Variants in RCAN2 observed in about 807,000 individuals in gnomAD.
The protein encoded by RCAN2 is calcipressin-2.
In RCAN2, 9 loss-of-function variants were observed where a neutral mutation model predicts 23.6. The ratio of observed to expected loss-of-function variants is 0.38; its 90% CI spans 0.23 to 0.67. The LOEUF is 0.67. RCAN2 is among the 30% of genes least tolerant of loss of function. The probability of loss-of-function intolerance (pLI) is 0.51; values close to 1 mark genes in which losing one functional copy is unlikely to be tolerated. For synonymous variants in RCAN2, 109 were observed against 115.7 expected (o/e 0.94, Z 0.37); for missense variants, 273 against 302.3 (o/e 0.90, Z 0.72).
At chr6:46,305,918 C>G (rs1763050168) in intron 2 of RCAN2, among the ~76,000 whole-genome samples, 1 of 142,934 alleles carries the variant, frequency 7.0e-6, no homozygotes, top group Non-Finnish European at 1.5e-5. Flanking sequence ...TGCTGAAGAC[C>G]TTTTTTTTTT....
At chr6:46,430,922 T>C (rs1767179266) in intron 2 of RCAN2, among the ~76,000 whole-genome samples, 1 of 152,170 alleles carries the variant, frequency 6.6e-6, no homozygotes, top group Non-Finnish European at 1.5e-5. Flanking sequence ...TAAAATACTT[T>C]TGCGTAGAGA....
rs1374283754 is a variant in RCAN2 at position 46,468,942 on chromosome 6, T to C, written c.-2-11964A>G. On this transcript the variant is annotated intron_variant, in intron 1 of 4. Transcript: ENST00000371374. ...TTGTTAGCACAATTTGCTCTTGATC[T>C]GAAAGTAAGTCACTGCCCCCAGCTG... is the stretch of plus-strand genomic sequence containing the variant. 3 of 636,446 alleles carry C rather than the reference T, an allele frequency of 4.7e-6. No individual in the cohort carries two copies. The South Asian group carries it at 2.1e-4, about 44-fold the overall frequency. 39.4% of individuals were successfully genotyped at this position (636,446 alleles called of 1,614,324 possible).
rs559021248 is a variant in RCAN2, at chr6:46,414,745, T to C, written c.225+42007A>G. ...AAGCCTGCTGGCTTCCCTTGCAGATTTCAGGCTTACCAGCCTCTACAATCT... is the reference window on the plus strand; with the variant it reads ...AAGCCTGCTGGCTTCCCTTGCAGATCTCAGGCTTACCAGCCTCTACAATCT... On this transcript the variant is annotated intron_variant, in intron 2 of 4. Transcript: ENST00000371374. Among the ~76,000 whole-genome samples the C allele has an allele frequency of 3.3e-5, 5 of 152,300 alleles. No homozygotes were observed. In the South Asian group the frequency reaches 1.0e-3, roughly 32 times the overall value.
At chr6:46,372,435 G>T (rs572861411) in intron 2 of RCAN2, among the ~76,000 whole-genome samples, 5 of 152,178 alleles carry the variant, frequency 3.3e-5, no homozygotes, top group African/African-American at 1.2e-4. Flanking sequence ...CAAGCATGTC[G>T]CTTGGCAGCT....
intron 2 of RCAN2, among the ~76,000 whole-genome samples, chr6:46,275,413 A>T (rs1426484982): frequency 6.6e-6 from 1 of 152,188 alleles, no homozygotes; most frequent in Admixed American, 6.5e-5. Context: ...AAAGCTCATG[A>T]TGAGAATGCA....
At chr6:46,423,404 G>A (rs1766940267) in intron 2 of RCAN2, among the ~76,000 whole-genome samples, 1 of 152,096 alleles carries the variant, frequency 6.6e-6, no homozygotes. Context: ...AAAGAAAAAA[G>A]CAAGAGAGAA....
At chr6:46,331,041 A>G (rs1162439495) in intron 2 of RCAN2, among the ~76,000 whole-genome samples, 1 of 152,236 alleles carries the variant, frequency 6.6e-6, no homozygotes, top group African/African-American at 2.4e-5. Context: ...TTCATTTATT[A>G]GGATTTACAC....
intron 2 of RCAN2, among the ~76,000 whole-genome samples, chr6:46,336,440 G>T (rs764320869): frequency 6.6e-6 from 1 of 152,170 alleles, no homozygotes; most frequent in Non-Finnish European, 1.5e-5. Context: ...CACTGAAAAA[G>T]ATCAAGAAAG....
At chr6:46,343,468 C>T (rs1417699985) in intron 2 of RCAN2, among the ~76,000 whole-genome samples, 4 of 151,396 alleles carry the variant, frequency 2.6e-5, no homozygotes, top group Admixed American at 6.6e-5. Flanking sequence ...CTCCGCCTCC[C>T]GGGTTCATGC....
intron 2 of RCAN2, among the ~76,000 whole-genome samples, chr6:46,337,898 G>T (rs1335690065): frequency 5.3e-5 from 8 of 152,178 alleles, no homozygotes; most frequent in Admixed American, 5.2e-4. Context: ...TAGGGAATGT[G>T]CTGATTTAAC....
chr6:46,374,603 T>C (rs1765410670), intron 2 of RCAN2, among the ~76,000 whole-genome samples: 1 of 152,208 alleles, frequency 6.6e-6, no homozygotes, highest in South Asian at 2.1e-4. Flanking sequence ...AAGTGATTTC[T>C]AGATTCCACG....
chr6:46,307,583 C>T (rs1052721251), intron 2 of RCAN2, among the ~76,000 whole-genome samples: 1 of 152,112 alleles, frequency 6.6e-6, no homozygotes, highest in African/African-American at 2.4e-5. Flanking sequence ...ATGTTGTGCT[C>T]CTGTTCCATG....
chr6:46,377,185 A>T (rs909280978), intron 2 of RCAN2, among the ~76,000 whole-genome samples: 10 of 152,202 alleles, frequency 6.6e-5, no homozygotes, highest in African/African-American at 2.4e-4. Flanking sequence ...GGCAAAACAC[A>T]GTCTCCCCCA....
At chr6:46,480,831 C>T (rs1315668696) in intron 1 of RCAN2, among the ~76,000 whole-genome samples, 2 of 152,108 alleles carry the variant, frequency 1.3e-5, no homozygotes, top group African/African-American at 4.8e-5. Context: ...ACTGTGTTAG[C>T]CAGGATGGTC....
intron 1 of RCAN2, among the ~76,000 whole-genome samples, chr6:46,463,248 G>A (rs763364091): frequency 5.3e-5 from 8 of 152,174 alleles, no homozygotes; most frequent in East Asian, 1.9e-4. Flanking sequence ...AAAAGCATAC[G>A]AAGCATAGAA....
chr6:46,299,436 A>G (rs1293748563), intron 2 of RCAN2, among the ~76,000 whole-genome samples: 4 of 152,016 alleles, frequency 2.6e-5, no homozygotes, highest in African/African-American at 9.7e-5. Flanking sequence ...CAGCAGCAGT[A>G]ACAACTATAA....
intron 2 of RCAN2, among the ~76,000 whole-genome samples, chr6:46,332,404 A>C (rs1232663724): frequency 6.6e-6 from 1 of 151,812 alleles, no homozygotes; most frequent in Non-Finnish European, 1.5e-5. Flanking sequence ...GGTGTGCTGC[A>C]CCCATTAACT....
At chr6:46,227,333 A>G (rs1376228302) in intron 4 of RCAN2, among the ~76,000 whole-genome samples, 1 of 152,028 alleles carries the variant, frequency 6.6e-6, no homozygotes, top group Non-Finnish European at 1.5e-5. Flanking sequence ...CTCTTTTTCT[A>G]TTACTGGAAT....
intron 1 of RCAN2, among the ~76,000 whole-genome samples, chr6:46,470,118 C>G (rs1003564853): frequency 1.3e-5 from 2 of 152,120 alleles, no homozygotes; most frequent in Admixed American, 6.5e-5. Context: ...TATAGCAGCA[C>G]AAAATGAACT....
Sources: gnomAD v4.1 joint callset for allele counts (sites outside exome capture counted in the v4.1 genomes callset) on GRCh38, gnomAD v4.1.1 for gene constraint, MANE v1.5 for transcripts, NCBI Gene and HGNC (gene_info 2026-07-23, HGNC 2026-07-21) for gene names.